The following CDH11 variants were observed in gnomAD, a reference collection of about 807,000 sequenced individuals.
CDH11 encodes the protein cadherin 11.
A neutral mutation model predicts 67.8 loss-of-function variants in CDH11; 11 were observed. The observed-to-expected ratio is 0.16, with a 90% CI of 0.10 to 0.27. The LOEUF (loss-of-function observed/expected upper bound fraction) is 0.27, where lower values mean the gene tolerates loss of function less well. Among genes scored for constraint, CDH11 ranks in the 10% least tolerant of loss-of-function variants. The pLI is 1.00. For missense variants in CDH11, 847 were observed against 1,031.2 expected, an observed-to-expected ratio of 0.82 and a Z score of 2.45; for synonymous variants, 419 against 400.0, an observed-to-expected ratio of 1.05 and a Z score of -0.57.
intron 1 of CDH11, among the ~76,000 whole-genome samples, chr16:65,116,247 G>A (rs532023953): frequency 1.2e-4 from 19 of 152,266 alleles, no homozygotes; most frequent in African/African-American, 4.6e-4. Flanking sequence ...CTCTTATTGA[G>A]AAGAATAAAG....
intron 11 of CDH11, among the ~76,000 whole-genome samples, chr16:64,954,066 A>C (rs568585242): frequency 6.6e-6 from 1 of 152,364 alleles, no homozygotes; most frequent in African/African-American, 2.4e-5. Context: ...TTATGGAGGA[A>C]GGTAATTGAA....
chr16:65,071,087 G>A (rs904315976), intron 1 of CDH11, among the ~76,000 whole-genome samples: 8 of 152,274 alleles, frequency 5.3e-5, no homozygotes, highest in Non-Finnish European at 1.2e-4. Flanking sequence ...GGTCCTTTGA[G>A]GAACTCCCTG....
At chr16:64,959,019 A>T (rs2071598954) in intron 11 of CDH11, among the ~76,000 whole-genome samples, 1 of 152,204 alleles carries the variant, frequency 6.6e-6, no homozygotes, top group Non-Finnish European at 1.5e-5. Flanking sequence ...ATATGCTACA[A>T]TGATGCAAAT....
In CDH11 at chr16:64,987,014, G is replaced by A. The variant is rs889694800; in HGVS notation, c.999+1143C>T. On this transcript the variant is annotated intron_variant, in intron 7 of 12. Transcript: ENST00000268603. ...GATGCTTCAAATTAATTTTCTATCAGTGTTAGAGTCCAGTCTTTTCCATCG... is the reference window on the plus strand; with the variant it reads ...GATGCTTCAAATTAATTTTCTATCAATGTTAGAGTCCAGTCTTTTCCATCG... The A allele has an allele frequency of 3.9e-5, 6 of 152,024 alleles. No homozygotes were observed. In the East Asian group the frequency reaches 1.2e-3, roughly 29 times the overall value. The allele number at this position is 152,024 out of a possible 1,614,324, so 9.4% of individuals were successfully genotyped here.
At chr16:65,037,998 T>C (rs2073788632) in intron 2 of CDH11, among the ~76,000 whole-genome samples, 1 of 152,200 alleles carries the variant, frequency 6.6e-6, no homozygotes, top group Non-Finnish European at 1.5e-5. Context: ...TTCTTTTTTT[T>C]TCTTTTTTAA....
intron 11 of CDH11, among the ~76,000 whole-genome samples, chr16:64,956,943 T>C (rs1447828151): frequency 6.6e-6 from 1 of 152,024 alleles, no homozygotes; most frequent in African/African-American, 2.4e-5. Context: ...ATAGATAGAC[T>C]GCACTTGGTG....
intron 7 of CDH11, chr16:64,985,900 C>T (rs576792112): frequency 6.6e-6 from 1 of 151,842 alleles, no homozygotes; most frequent in East Asian, 1.9e-4. Flanking sequence ...TATCACTTCA[C>T]TGTCCTGTTA....
intron 2 of CDH11, among the ~76,000 whole-genome samples, chr16:65,039,286 T>C (rs1001988015): frequency 7.2e-5 from 11 of 152,244 alleles, no homozygotes; most frequent in African/African-American, 2.4e-4. Flanking sequence ...AAGCTTGAGG[T>C]ATCACGCTAC....
chr16:64,991,737 G>A (rs779561257), intron 6 of CDH11, 31 bp downstream of exon 6: 27 of 1,563,134 alleles, frequency 1.7e-5, no homozygotes, highest in African/African-American at 2.7e-5. Flanking sequence ...GTGTCACCAT[G>A]GAAAAGTGAA....
intron 2 of CDH11, among the ~76,000 whole-genome samples, chr16:65,037,536 C>T (rs998802969): frequency 4.6e-5 from 7 of 152,290 alleles, no homozygotes; most frequent in African/African-American, 1.7e-4. Flanking sequence ...AGAATTAAAA[C>T]ATTCCTCTAT....
rs2072006937 is a variant in CDH11 at position 64,971,608 on chromosome 16, T to C, written c.1613A>G (p.Asn538Ser). 1 of 1,612,862 alleles carries C rather than the reference T, an allele frequency of 6.2e-7. No individual in the cohort carries two copies. Among genetic ancestry groups the C allele is most frequent in the African/African-American group, 1.3e-5 (1 of 74,970 alleles). The change falls in exon 11 of 13, where the codon AAT (asparagine) becomes AGT (serine). Residue 538 changes from asparagine (N) to serine (S), a missense_variant. By Grantham distance (46) the Asn-to-Ser change is conservative. Around this residue, in one of 2 missense-constraint regions of CDH11, gnomAD observed 612 missense variants for 678.7 expected, o/e 0.90. Coordinates refer to ENST00000268603, the MANE Select transcript of CDH11 (RefSeq NM_001797.4). Reference sequence around the variant, plus strand: ...GTTGTCTCTGACTGTGAAATTTGGATTGTGAATGATTTCAGGGGGTAGGCT... The same window carrying C: ...GTTGTCTCTGACTGTGAAATTTGGACTGTGAATGATTTCAGGGGGTAGGCT... Reference protein sequence around the residue: ...IFSLPPEIIHNPNFTVRDNRD... With the variant: ...IFSLPPEIIHSPNFTVRDNRD...
At chr16:65,055,526 G>A (rs1597140563) in intron 1 of CDH11, among the ~76,000 whole-genome samples, 1 of 152,084 alleles carries the variant, frequency 6.6e-6, no homozygotes, top group African/African-American at 2.4e-5. Flanking sequence ...CTGTATTTTG[G>A]AAGCACATAA....
At chr16:64,954,952 A>AT (rs2071466555) in intron 11 of CDH11, among the ~76,000 whole-genome samples, 1 of 86,262 alleles carries the variant, frequency 1.2e-5, no homozygotes, top group East Asian at 3.0e-4. Context: ...AAAAAATAAA[A>AT]AAAAAAAAAA....
upstream of CDH11, chr16:65,122,156 A>C (rs2075346753): frequency 1.8e-6 from 1 of 549,760 alleles, no homozygotes; most frequent in African/African-American, 2.1e-5. Context: ...GGGAGGAGGG[A>C]GGCTGCCGCT....
At chr16:65,077,104 T>G (rs1442381798) in intron 1 of CDH11, among the ~76,000 whole-genome samples, 2 of 152,178 alleles carry the variant, frequency 1.3e-5, no homozygotes, top group Non-Finnish European at 2.9e-5. Flanking sequence ...ATCTTGTTAT[T>G]TCCAAGAGAG....
chr16:65,059,856 G>A (rs973763554), intron 1 of CDH11, among the ~76,000 whole-genome samples: 4 of 152,074 alleles, frequency 2.6e-5, no homozygotes, highest in Admixed American at 6.6e-5. Flanking sequence ...AAATATTCAC[G>A]GCCTTTGTCA....
At position 64,988,299 on chromosome 16, in the gene CDH11, T is replaced by C. The variant is rs1222185694; in HGVS notation, c.857A>G (p.Glu286Gly). The change falls in exon 7 of 13, where the codon GAA (glutamate) becomes GGA (glycine). Residue 286 changes from glutamate to glycine, a missense_variant. Transcript: ENST00000268603. ...ATCTTTAGCTTTCACTCTTCCTACT[T>C]CCTCCCCAGGGACGGCTGCTTCTGA... ...SVSEAAVPGEEVGRVKAKDPD... is the reference protein window; with the variant it reads ...SVSEAAVPGEGVGRVKAKDPD... The C allele has an allele frequency of 1.2e-6, 2 of 1,613,464 alleles. No homozygotes were observed. The highest frequency in any genetic ancestry group is 1.7e-6 in the Non-Finnish European group (2 of 1,179,728).
intron 11 of CDH11, among the ~76,000 whole-genome samples, chr16:64,959,539 AT>A (rs1274313920): frequency 2.6e-5 from 4 of 152,104 alleles, no homozygotes; most frequent in Non-Finnish European, 5.9e-5. Context: ...AGATCTATTT[AT>A]TTTTTTGTTG....
intron 1 of CDH11, among the ~76,000 whole-genome samples, chr16:65,100,737 C>CAAA (rs34745214): frequency 3.2e-5 from 3 of 93,026 alleles, no homozygotes; most frequent in Admixed American, 1.2e-4. Context: ...GACTCTGTCT[C>CAAA]AAAAAAAAAA....
Sources: allele counts gnomAD v4.1 joint callset (sites outside exome capture counted in the v4.1 genomes callset), GRCh38; gene constraint gnomAD v4.1.1; regional missense constraint gnomAD v4.1.1; transcripts MANE v1.5; gene names NCBI Gene and HGNC (gene_info 2026-07-23, HGNC 2026-07-21).